LRRIQ3: variants seen among roughly 807,000 people sequenced by gnomAD.
The protein encoded by LRRIQ3 is leucine rich repeats and IQ motif containing 3.
Under a neutral mutation model 59.3 loss-of-function variants are expected in LRRIQ3, and 75 were observed. The observed-to-expected ratio is 1.26, with a 90% CI of 1.05 to 1.53. The LOEUF is 1.53. LRRIQ3 is among the 40% of genes most tolerant of loss of function. LRRIQ3 has a pLI of 0.00. For missense variants in LRRIQ3, 831 were observed against 710.0 expected, an observed-to-expected ratio of 1.17 and a Z score of -1.94; for synonymous variants, 250 against 231.3, an observed-to-expected ratio of 1.08 and a Z score of -0.73.
chr1:74,170,407 T>C (rs1301418042), intron 3 of LRRIQ3, among the ~76,000 whole-genome samples: 2 of 152,222 alleles, frequency 1.3e-5, no homozygotes, highest in Non-Finnish European at 2.9e-5. Flanking sequence ...CTCAACATCA[T>C]CTATTGAAGA....
chr1:74,128,644 C>A (rs1646969192), intron 4 of LRRIQ3, among the ~76,000 whole-genome samples: 1 of 151,966 alleles, frequency 6.6e-6, no homozygotes, highest in Non-Finnish European at 1.5e-5. Flanking sequence ...CCTGGATAGT[C>A]TTGATGCTTG....
rs545420690 is a variant in LRRIQ3 at position 74,150,725 on chromosome 1, G to T, written c.707+5008C>A. On this transcript the variant is annotated intron_variant, in intron 4 of 7. Coordinates refer to ENST00000354431, the MANE Select transcript of LRRIQ3 (RefSeq NM_001105659.2). ...TTTCCTGGAAAATAAGCTGAAATTT[G>T]TCTTTCTAAAACTTTCACTCACTAT... Among the ~76,000 whole-genome samples the T allele has an allele frequency of 4.6e-5, 7 of 152,110 alleles. No individual in the cohort carries two copies. In the South Asian group the frequency reaches 1.5e-3, roughly 32 times the overall value.
intron 4 of LRRIQ3, among the ~76,000 whole-genome samples, chr1:74,138,090 A>C (rs995763759): frequency 2.0e-5 from 3 of 151,658 alleles, no homozygotes; most frequent in African/African-American, 7.3e-5. Flanking sequence ...TTAAAGTATA[A>C]TTTTAAAAAA....
chr1:74,103,336 T>A (rs899712395), intron 5 of LRRIQ3, among the ~76,000 whole-genome samples: 2 of 152,000 alleles, frequency 1.3e-5, no homozygotes, highest in African/African-American at 4.8e-5. Flanking sequence ...CCTGGAATAT[T>A]GTAAATATTC....
chr1:74,114,300 TA>T (rs1259014224), intron 4 of LRRIQ3, among the ~76,000 whole-genome samples: 2 of 152,234 alleles, frequency 1.3e-5, no homozygotes, highest in East Asian at 3.9e-4. Flanking sequence ...GTCGGATTTG[TA>T]ACATGTATAG....
intron 1 of LRRIQ3, among the ~76,000 whole-genome samples, chr1:74,190,019 G>A (rs1650657086): frequency 6.6e-6 from 1 of 152,100 alleles, no homozygotes; most frequent in Admixed American, 6.5e-5. Flanking sequence ...TGGCATGTAA[G>A]GAGCTTGGAG....
chr1:74,044,318 T>C (rs1320784676), intron 6 of LRRIQ3, among the ~76,000 whole-genome samples: 1 of 152,086 alleles, frequency 6.6e-6, no homozygotes, highest in Non-Finnish European at 1.5e-5. Context: ...GTTTGGGACA[T>C]GGGGTAGACC....
In LRRIQ3 at chr1:74,074,774, A is replaced by G; in HGVS notation, c.884T>C (p.Val295Ala). The G allele has an allele frequency of 7.2e-7, 1 of 1,380,956 alleles. No individual in the cohort carries two copies. Among genetic ancestry groups the G allele is most frequent in the Non-Finnish European group, 9.8e-7 (1 of 1,020,998 alleles). 85.5% of individuals were successfully genotyped at this position (1,380,956 alleles called of 1,614,324 possible). A position where few individuals can be genotyped will look rare whatever the true frequency, so the allele number is the denominator to read the frequency against. ...GTGTTCACTGGAATTTTTTAAATCAACAGGATAATATATATTCTGTGAAAA... is the reference window on the plus strand; with the variant it reads ...GTGTTCACTGGAATTTTTTAAATCAGCAGGATAATATATATTCTGTGAAAA... ...AYWKHNIYYP[V>A]DLKNSSEHRK... The change falls in exon 6 of 8, where the codon GTT becomes GCT. Residue 295 changes from valine to alanine, a missense_variant. Transcript: ENST00000354431.
chr1:74,081,546 G>A (rs1341592273), intron 5 of LRRIQ3, among the ~76,000 whole-genome samples: 1 of 151,180 alleles, frequency 6.6e-6, no homozygotes, highest in Non-Finnish European at 1.5e-5. Context: ...TTCAAATTGA[G>A]GAAAAAAACA....
chr1:74,198,110 GACA>G lies in LRRIQ3; in HGVS notation c.-118_-116del. On this transcript the variant is annotated 5_prime_UTR_variant, in exon 1 of 8. Transcript: ENST00000354431. ...CCTGAGACCGTTGCTAGAGAAACAAGACAACATCCAAGTTCTCCACATCATGGT... is the reference window on the plus strand; with the variant it reads ...CCTGAGACCGTTGCTAGAGAAACAAGACATCCAAGTTCTCCACATCATGGT... 1 of 1,368,696 alleles carries G rather than the reference GACA, an allele frequency of 7.3e-7. No homozygotes were observed. The highest frequency in any genetic ancestry group is 2.8e-5 in the Admixed American group (1 of 35,684). 84.8% of individuals were successfully genotyped at this position (1,368,696 alleles called of 1,614,324 possible).
intron 6 of LRRIQ3, among the ~76,000 whole-genome samples, chr1:74,063,076 A>AAACAT (rs1304957616): frequency 3.3e-5 from 5 of 151,488 alleles, no homozygotes; most frequent in Non-Finnish European, 7.4e-5. Context: ...AAACAAAACA[A>AAACAT]AAAAAATCAA....
chr1:74,032,623 T>C (rs973799807), intron 7 of LRRIQ3, among the ~76,000 whole-genome samples: 9 of 152,150 alleles, frequency 5.9e-5, no homozygotes, highest in African/African-American at 1.7e-4. Context: ...GAAAGGCTCA[T>C]GTGATACATT....
rs182964622 is a variant in LRRIQ3 at position 74,039,916 on chromosome 1, G to A, written c.1718+1297C>T. Among the ~76,000 whole-genome samples the A allele has an allele frequency of 7.8e-4, 119 of 152,256 alleles. 2 individuals carry two copies. The highest frequency in any genetic ancestry group is 1.5e-3 in the Non-Finnish European group (104 of 68,016). On this transcript the variant is annotated intron_variant, in intron 7 of 7. Transcript: ENST00000354431. ...TAACCAGATAGCATCATGATGACAG[G>A]ATCAAATTCACACATAAAAATATTA... is the stretch of plus-strand genomic sequence containing the variant.
intron 1 of LRRIQ3, among the ~76,000 whole-genome samples, chr1:74,188,986 C>G (rs1650584919): frequency 6.6e-6 from 1 of 152,040 alleles, no homozygotes; most frequent in Non-Finnish European, 1.5e-5. Context: ...CTTAAAATAA[C>G]CATCATTTTG....
At chr1:74,191,388 A>T (rs1570288385) in intron 1 of LRRIQ3, among the ~76,000 whole-genome samples, 1 of 152,096 alleles carries the variant, frequency 6.6e-6, no homozygotes, top group Non-Finnish European at 1.5e-5. Context: ...AGGATAAAAT[A>T]AAAATCTCTT....
chr1:74,182,978 T>C (rs1006277999), intron 2 of LRRIQ3, 117 bp from the exon 3 acceptor site: 5 of 566,016 alleles, frequency 8.8e-6, no homozygotes, highest in Middle Eastern at 4.9e-4. Flanking sequence ...AGTTTCTAAT[T>C]AATAAGCAAA....
chr1:74,067,267 A>C (rs1441572873), intron 6 of LRRIQ3, among the ~76,000 whole-genome samples: 6 of 152,058 alleles, frequency 3.9e-5, no homozygotes, highest in Admixed American at 2.6e-4. Context: ...ACACTTAAAC[A>C]TACAAAAGTG....
chr1:74,086,695 A>C (rs1375091990), intron 5 of LRRIQ3, among the ~76,000 whole-genome samples: 1 of 152,148 alleles, frequency 6.6e-6, no homozygotes, highest in African/African-American at 2.4e-5. Context: ...CATCTTAAAG[A>C]AACTGGGAAC....
chr1:74,142,609 A>G (rs1647308532), intron 4 of LRRIQ3, among the ~76,000 whole-genome samples: 1 of 152,040 alleles, frequency 6.6e-6, no homozygotes, highest in South Asian at 2.1e-4. Flanking sequence ...TATATTATAT[A>G]CAATTTCACA....
Sources: gnomAD v4.1 joint callset for allele counts (sites outside exome capture counted in the v4.1 genomes callset) on GRCh38, gnomAD v4.1.1 for gene constraint, MANE v1.5 for transcripts, NCBI Gene and HGNC (gene_info 2026-07-23, HGNC 2026-07-21) for gene names.